PRKG1: variants seen among roughly 807,000 people sequenced by gnomAD.
The protein encoded by PRKG1 is cGMP-dependent protein kinase 1.
PRKG1 carries 35 observed loss-of-function variants against 88.1 expected under a neutral mutation model. That is an observed-to-expected ratio of 0.40 (90% CI 0.30 to 0.53). The LOEUF (loss-of-function observed/expected upper bound fraction) is 0.53, where lower values mean the gene tolerates loss of function less well. Among genes scored for constraint, PRKG1 ranks in the 20% least tolerant of loss-of-function variants. PRKG1 has a pLI of 0.59. For synonymous variants in PRKG1, 303 were observed against 292.5 expected, an observed-to-expected ratio of 1.04 and a Z score of -0.37; for missense variants, 540 against 839.8, an observed-to-expected ratio of 0.64 and a Z score of 4.41.
intron 2 of PRKG1, among the ~76,000 whole-genome samples, chr10:51,442,663 GA>G (rs1418441226): frequency 6.6e-6 from 1 of 151,916 alleles, no homozygotes. Flanking sequence ...ATGAATTTTA[GA>G]AAAAATACAT....
chr10:51,990,315 A>G (rs1352411565), intron 5 of PRKG1, among the ~76,000 whole-genome samples: 1 of 151,796 alleles, frequency 6.6e-6, no homozygotes, highest in African/African-American at 2.4e-5. Context: ...GCTATTCAGG[A>G]GGTTTTGTGG....
At chr10:51,331,252 C>T (rs1048708066) in intron 2 of PRKG1, among the ~76,000 whole-genome samples, 9 of 151,996 alleles carry the variant, frequency 5.9e-5, no homozygotes, top group African/African-American at 2.2e-4. Flanking sequence ...GAGGCCACTG[C>T]GGCCAGGACT....
chr10:51,278,077 A>G (rs1483137416), intron 2 of PRKG1, among the ~76,000 whole-genome samples: 1 of 152,082 alleles, frequency 6.6e-6, no homozygotes, highest in Non-Finnish European at 1.5e-5. Flanking sequence ...TCATTATGAT[A>G]TTGGCTGTGG....
intron 2 of PRKG1, among the ~76,000 whole-genome samples, chr10:51,293,338 C>G (rs1186456396): frequency 6.6e-6 from 1 of 152,102 alleles, no homozygotes; most frequent in Non-Finnish European, 1.5e-5. Flanking sequence ...TCTTGCATAA[C>G]TAAAATTTTG....
intron 2 of PRKG1, among the ~76,000 whole-genome samples, chr10:51,277,282 T>G (rs1840148824): frequency 6.6e-6 from 1 of 152,114 alleles, no homozygotes; most frequent in African/African-American, 2.4e-5. Flanking sequence ...AGATGTGTGG[T>G]ATTATTTCTG....
intron 3 of PRKG1, among the ~76,000 whole-genome samples, chr10:51,550,602 A>G (rs1376903522): frequency 6.6e-6 from 1 of 152,000 alleles, no homozygotes; most frequent in Non-Finnish European, 1.5e-5. Flanking sequence ...TGTAAATAAT[A>G]CTAATTTTGG....
chr10:51,394,543 T>TC (rs1459397062), intron 2 of PRKG1, among the ~76,000 whole-genome samples: 1 of 152,186 alleles, frequency 6.6e-6, no homozygotes, highest in East Asian at 1.9e-4. Context: ...GGGAATAAAC[T>TC]CCAACTCCCA....
chr10:51,982,405 C>T (rs1369933664), intron 5 of PRKG1, among the ~76,000 whole-genome samples: 1 of 152,208 alleles, frequency 6.6e-6, no homozygotes, highest in East Asian at 1.9e-4. Context: ...TCTGAGTTGT[C>T]AGAGTTCTTG....
intron 1 of PRKG1, among the ~76,000 whole-genome samples, chr10:51,085,691 C>G (rs1051624904): frequency 1.3e-5 from 2 of 150,168 alleles, no homozygotes; most frequent in African/African-American, 2.4e-5. Context: ...TTTTTCAGTT[C>G]TGAATGTTAG....
chr10:51,993,172 G>A (rs952886107), intron 5 of PRKG1, among the ~76,000 whole-genome samples: 2 of 151,974 alleles, frequency 1.3e-5, no homozygotes, highest in African/African-American at 2.4e-5. Context: ...AAGCTTTAAG[G>A]CAGTAGATTT....
chr10:51,828,584 T>G (rs1242653339), intron 4 of PRKG1, among the ~76,000 whole-genome samples: 1 of 152,194 alleles, frequency 6.6e-6, no homozygotes, highest in Non-Finnish European at 1.5e-5. Flanking sequence ...TGGCTCTTGG[T>G]GTAAAACAAT....
chr10:51,468,270 A>G (rs1324260808), intron 3 of PRKG1, among the ~76,000 whole-genome samples: 1 of 151,854 alleles, frequency 6.6e-6, no homozygotes, highest in Non-Finnish European at 1.5e-5. Flanking sequence ...AATGTCCTTC[A>G]TCTCATTCAA....
intron 4 of PRKG1, among the ~76,000 whole-genome samples, chr10:51,884,801 A>T (rs940151622): frequency 6.6e-6 from 1 of 152,094 alleles, no homozygotes; most frequent in Non-Finnish European, 1.5e-5. Context: ...TATGTCTTAT[A>T]CCTTATTTTG....
chr10:52,027,142 C>T (rs1451261110), intron 5 of PRKG1, among the ~76,000 whole-genome samples: 1 of 152,152 alleles, frequency 6.6e-6, no homozygotes, highest in Non-Finnish European at 1.5e-5. Context: ...CTCATATGGT[C>T]TGCGTTTTTC....
chr10:51,262,390 T>C (rs1472354546), intron 2 of PRKG1, among the ~76,000 whole-genome samples: 1 of 152,152 alleles, frequency 6.6e-6, no homozygotes, highest in Non-Finnish European at 1.5e-5. Context: ...ATGACATCCT[T>C]ATCAAATAAT....
chr10:51,103,430 A>G (rs1411943560), intron 1 of PRKG1, among the ~76,000 whole-genome samples: 5 of 152,214 alleles, frequency 3.3e-5, no homozygotes, highest in African/African-American at 1.2e-4. Context: ...GCTAAAAAAA[A>G]GCTGAGCAGT....
At chr10:51,235,392 T>C (rs1838957950) in intron 2 of PRKG1, among the ~76,000 whole-genome samples, 1 of 141,362 alleles carries the variant, frequency 7.1e-6, no homozygotes, top group South Asian at 2.3e-4. Context: ...TAAATCACGT[T>C]ACATCTTGCA....
intron 3 of PRKG1, among the ~76,000 whole-genome samples, chr10:51,737,132 C>G (rs534498097): frequency 1.3e-5 from 2 of 152,188 alleles, no homozygotes; most frequent in South Asian, 4.2e-4. Flanking sequence ...CCACTGTGTA[C>G]CTAAAGGAAC....
At chr10:51,325,641 G>T (rs540097075) in intron 2 of PRKG1, among the ~76,000 whole-genome samples, 2 of 152,218 alleles carry the variant, frequency 1.3e-5, no homozygotes, top group African/African-American at 4.8e-5. Context: ...TCCTATATTT[G>T]CTTTTGTTGC....
Sources: gnomAD v4.1 joint callset for allele counts (sites outside exome capture counted in the v4.1 genomes callset) on GRCh38, gnomAD v4.1.1 for gene constraint, MANE v1.5 for transcripts, NCBI Gene and HGNC (gene_info 2026-07-23, HGNC 2026-07-21) for gene names.